SETDB2: variants seen among roughly 807,000 people sequenced by gnomAD.
The protein encoded by SETDB2 is histone-lysine N-methyltransferase SETDB2.
In SETDB2, 56 loss-of-function variants were observed where a neutral mutation model predicts 82.5. That is an observed-to-expected ratio of 0.68 (90% confidence interval 0.55 to 0.85). The LOEUF (loss-of-function observed/expected upper bound fraction) is 0.85, where lower values mean the gene tolerates loss of function less well. Among genes scored for constraint, SETDB2 ranks in the 40% least tolerant of loss-of-function variants. The probability of loss-of-function intolerance (pLI) is 0.00; values close to 1 mark genes in which losing one functional copy is unlikely to be tolerated. For missense variants in SETDB2, 677 were observed against 816.4 expected (o/e 0.83, Z 2.08); for synonymous variants, 272 against 284.9 (o/e 0.95, Z 0.46).
chr13:49,452,035 A>G (rs1409962054), intron 2 of SETDB2, 126 bp downstream of exon 2: 6 of 613,944 alleles, frequency 9.8e-6, no homozygotes, highest in Non-Finnish European at 1.3e-5. Context: ...GAGGGAATTA[A>G]GGGTTTATTC....
chr13:49,471,932 A>AT (rs1293042049), intron 5 of SETDB2, among the ~76,000 whole-genome samples: 1,499 of 75,248 alleles, frequency 0.02, 16 homozygotes, highest in East Asian at 0.055. Context: ...ATATATATAT[A>AT]TATTTTTTTT....
At chr13:49,456,792 C>G (rs916532773) in intron 2 of SETDB2, among the ~76,000 whole-genome samples, 1 of 152,150 alleles carries the variant, frequency 6.6e-6, no homozygotes, top group African/African-American at 2.4e-5. Context: ...AAGTTGTTAA[C>G]TGGATCTATT....
chr13:49,485,928 TA>T lies in SETDB2; in HGVS notation c.1576+207del. ...TACCTGTTCAGTATGGCATGTGAGC[TA>T]AGAATGATATTTATGTTTTTAAATA... On this transcript the variant is annotated intron_variant, in intron 11 of 13. Coordinates refer to ENST00000611815, the MANE Select transcript of SETDB2 (RefSeq NM_001160308.3). 20 of 670,114 alleles carry T rather than the reference TA, an allele frequency of 3.0e-5. No homozygotes were observed. The South Asian group carries it at 3.2e-4, about 11-fold the overall frequency. The allele number at this position is 670,114 out of a possible 1,614,324, so 41.5% of individuals were successfully genotyped here. A position where few individuals can be genotyped will look rare whatever the true frequency, so the allele number is the denominator to read the frequency against.
intron 4 of SETDB2, among the ~76,000 whole-genome samples, chr13:49,461,402 T>C (rs1431277662): frequency 6.6e-6 from 1 of 152,114 alleles, no homozygotes; most frequent in Non-Finnish European, 1.5e-5. Flanking sequence ...TGTGTCGTCT[T>C]TGGGGGAAAA....
chr13:49,475,816 AC>A (rs1430509770), intron 5 of SETDB2, among the ~76,000 whole-genome samples: 1 of 150,820 alleles, frequency 6.6e-6, no homozygotes, highest in Non-Finnish European at 1.5e-5. Context: ...ATTAATAACC[AC>A]CCCATTTTCT....
chr13:49,469,471 C>T (rs1297493020), intron 5 of SETDB2, among the ~76,000 whole-genome samples: 1 of 152,178 alleles, frequency 6.6e-6, no homozygotes, highest in Non-Finnish European at 1.5e-5. Context: ...TTTTTCTCAC[C>T]TACTTGTTAA....
At chr13:49,450,794 A>G (rs1957769850) in intron 1 of SETDB2, among the ~76,000 whole-genome samples, 1 of 151,966 alleles carries the variant, frequency 6.6e-6, no homozygotes, top group South Asian at 2.1e-4. Context: ...TTGTTGATCT[A>G]TTTTTGACCT....
intron 5 of SETDB2, among the ~76,000 whole-genome samples, chr13:49,470,970 T>TTTCTTTC: frequency 2.0e-4 from 2 of 10,008 alleles, no homozygotes; most frequent in African/African-American, 4.0e-3. Flanking sequence ...TTCTTTCTTT[T>TTTCTTTC]TTTTTTTTTT....
intron 12 of SETDB2, among the ~76,000 whole-genome samples, chr13:49,490,168 T>A (rs1958683009): frequency 6.7e-6 from 1 of 149,254 alleles, no homozygotes; most frequent in Admixed American, 6.8e-5. Flanking sequence ...TAATCCCAGC[T>A]ACTTGGGAGG....
chr13:49,459,963 A>G (rs1957961534), intron 2 of SETDB2, 144 bp from the exon 3 acceptor site: 3 of 700,352 alleles, frequency 4.3e-6, no homozygotes, highest in Non-Finnish European at 6.6e-6. Flanking sequence ...AAACATTACT[A>G]AAATATTTTC....
intron 1 of SETDB2, among the ~76,000 whole-genome samples, chr13:49,450,245 T>A (rs922979642): frequency 2.6e-5 from 4 of 152,192 alleles, no homozygotes; most frequent in Admixed American, 6.5e-5. Context: ...TCTTGCTCAT[T>A]ATTGCCTCCT....
intron 2 of SETDB2, among the ~76,000 whole-genome samples, chr13:49,459,405 C>T (rs932577369): frequency 2.0e-5 from 3 of 152,138 alleles, no homozygotes; most frequent in African/African-American, 7.2e-5. Flanking sequence ...TGCTTATAGG[C>T]CCTATTAGTT....
intron 5 of SETDB2, among the ~76,000 whole-genome samples, chr13:49,476,091 CAG>C (rs1958353497): frequency 6.6e-6 from 1 of 152,112 alleles, no homozygotes; most frequent in African/African-American, 2.4e-5. Flanking sequence ...AAATACCTAA[CAG>C]AAAGTTACAG....
intron 2 of SETDB2, among the ~76,000 whole-genome samples, chr13:49,453,267 G>C (rs1957815949): frequency 6.6e-6 from 1 of 151,236 alleles, no homozygotes; most frequent in African/African-American, 2.4e-5. Flanking sequence ...TCCCGGGTTT[G>C]GCTATTGGGA....
chr13:49,451,645 G>A lies in SETDB2; in HGVS notation c.-249G>A, dbSNP rs555759278. The stretch of plus-strand genomic sequence containing the variant: ...ATCTGATACCACTACAAATATTTAC[G>A]TGAGAAGATTCATGGACTTGTCTTT... On this transcript the variant is annotated 5_prime_UTR_variant, in exon 2 of 14. It adds an upstream start codon to the 5' untranslated region. Coordinates refer to ENST00000611815, the MANE Select transcript of SETDB2 (RefSeq NM_001160308.3). 5.7e-5 allele frequency: 19 copies of A among 333,092 alleles called. No homozygotes were observed. The highest frequency in any genetic ancestry group is 1.8e-4 in the South Asian group (2 of 11,038). The allele number at this position is 333,092 out of a possible 1,614,324, so 20.6% of individuals were successfully genotyped here.
chr13:49,483,491 A>G lies in SETDB2; in HGVS notation c.1410A>G (p.Arg470=). Residue 470 remains arginine (R), a synonymous_variant, in exon 10 of 14, where the codon AGA becomes AGG. Transcript: ENST00000611815. The part of the protein sequence containing the change: ...TVETKYDNIS[R]IQYHSVIRDP... ...AAACGAAATATGATAATATTTCAAG[A>G]ATTCAATATCATTCAGTTATTAGAG... 1 of 1,428,596 alleles carries G rather than the reference A, an allele frequency of 7.0e-7. No homozygotes were observed. The highest frequency in any genetic ancestry group is 1.8e-4 in the Middle Eastern group (1 of 5,558). 88.5% of individuals were successfully genotyped at this position (1,428,596 alleles called of 1,614,324 possible). A position where few individuals can be genotyped will look rare whatever the true frequency, so the allele number is the denominator to read the frequency against.
At chr13:49,473,853 G>C (rs1185448484) in intron 5 of SETDB2, among the ~76,000 whole-genome samples, 1 of 152,126 alleles carries the variant, frequency 6.6e-6, no homozygotes, top group Non-Finnish European at 1.5e-5. Flanking sequence ...CAGAGTTCAG[G>C]TTATACCATA....
At chr13:49,466,811 C>CTTTTT (rs3039228) in intron 4 of SETDB2, among the ~76,000 whole-genome samples, 6 of 116,758 alleles carry the variant, frequency 5.1e-5, no homozygotes, top group African/African-American at 9.9e-5. Flanking sequence ...GCCTGGCTAA[C>CTTTTT]TTTTTTTTTT....
chr13:49,471,934 A>ATATATATATATTTT (rs1378783393), intron 5 of SETDB2, among the ~76,000 whole-genome samples: 2 of 119,280 alleles, frequency 1.7e-5, no homozygotes, highest in South Asian at 2.9e-4. Context: ...ATATATATAT[A>ATATATATATATTTT]TTTTTTTTTT....
Sources: allele counts gnomAD v4.1 joint callset (sites outside exome capture counted in the v4.1 genomes callset), GRCh38; gene constraint gnomAD v4.1.1; transcripts MANE v1.5; gene names NCBI Gene and HGNC (gene_info 2026-07-23, HGNC 2026-07-21).